The following DIMT1 variants were observed in gnomAD, a reference collection of about 807,000 sequenced individuals.
DIMT1 encodes DIM1 rRNA methyltransferase and ribosome maturation factor.
In DIMT1, 36 loss-of-function variants were observed where a neutral mutation model predicts 43.2. The observed-to-expected ratio is 0.83, with a 90% confidence interval of 0.64 to 1.10. DIMT1 has a LOEUF of 1.10. Ranked by LOEUF, DIMT1 falls within the 50% of genes least tolerant of loss-of-function variation. The pLI, the probability that DIMT1 is intolerant of heterozygous loss-of-function variation, is 0.00. For synonymous variants in DIMT1, 126 were observed against 130.3 expected (o/e 0.97, Z 0.22); for missense variants, 341 against 385.3 (o/e 0.88, Z 0.96).
At position 62,387,256 on chromosome 5, in the gene DIMT1, T is replaced by C. The variant is rs917831220; in HGVS notation, c.*1754A>G. 5.3e-5 allele frequency: 8 copies of C among 152,228 alleles called. No homozygotes were observed. Among genetic ancestry groups the C allele is most frequent in the African/African-American group, 1.2e-4 (5 of 41,464 alleles). The allele number at this position is 152,228 out of a possible 1,614,324, so 9.4% of individuals were successfully genotyped here. ...CAGGTTTTCTTGCAGCTGTAAGATATATTCTATTTGTGTTTATTTCAAAGG... is the reference window on the plus strand; with the variant it reads ...CAGGTTTTCTTGCAGCTGTAAGATACATTCTATTTGTGTTTATTTCAAAGG... On this transcript the variant is annotated 3_prime_UTR_variant, in exon 12 of 12. Coordinates refer to ENST00000199320, the MANE Select transcript of DIMT1 (RefSeq NM_014473.4).
Position 62,392,963 on chromosome 5 carries a change from AG to A in DIMT1, c.690del (p.Phe231LeufsTer35), listed in dbSNP as rs1561289296. On this transcript the variant is annotated frameshift_variant, in exon 9 of 12. Transcript: ENST00000199320. LOFTEE classifies it high-confidence loss of function. ...FQEWDGLVRI[T>X]FVRKNKTLSA... ...GAGAGTGTCTTGTTTTTCCTAACAA[AG>A]GTTATCCTTACTAGACCATCCCATT... 2 of 1,610,854 alleles carry A rather than the reference AG, an allele frequency of 1.2e-6. No homozygotes were observed. Among genetic ancestry groups the A allele is most frequent in the African/African-American group, 1.3e-5 (1 of 74,860 alleles).
intron 11 of DIMT1, 55 bp from the exon 12 acceptor site, chr5:62,389,107 A>G (rs1742172669): frequency 1.1e-5 from 16 of 1,481,610 alleles, no homozygotes; most frequent in Non-Finnish European, 1.5e-5. Context: ...GTAGCACATA[A>G]CGGTATATAG....
chr5:62,391,855 GTGCAAGCTACACATA>G, intron 10 of DIMT1: 1 of 1,491,476 alleles, frequency 6.7e-7, no homozygotes, highest in Non-Finnish European at 8.9e-7. Flanking sequence ...ATTTTAAGTT[GTGCAAGCTACACATA>G]TCTACAGCTT....
rs1554044635 is a variant in DIMT1, at chr5:62,396,139, G to GTTTTTTTGTTTTTTT, written c.447-1533_447-1532insAAAAAAACAAAAAAA. Among the ~76,000 whole-genome samples, 21 of 116,760 alleles carry GTTTTTTTGTTTTTTT rather than the reference G, an allele frequency of 1.8e-4. 1 individual carries two copies. Among genetic ancestry groups the GTTTTTTTGTTTTTTT allele is most frequent in the African/African-American group, 7.2e-4 (20 of 27,746 alleles). The allele number at this position is 116,760 out of a possible 152,430, so 76.6% of individuals were successfully genotyped here. A position where few individuals can be genotyped will look rare whatever the true frequency, so the allele number is the denominator to read the frequency against. ...GGGGAATTTAGCCATGTCACTGCAG[G>GTTTTTTTGTTTTTTT]TTTTTTTTTTTTACATTATTAACTG... On this transcript the variant is annotated intron_variant, in intron 6 of 11. Transcript: ENST00000199320.
At chr5:62,394,716 ATTAT>A (rs1742419415) in intron 6 of DIMT1, 109 bp from the exon 7 acceptor site, 9 of 859,494 alleles carry the variant, frequency 1.0e-5, no homozygotes, top group Non-Finnish European at 1.5e-5. Flanking sequence ...TTGGCAGCTG[ATTAT>A]AAGGTAGGAG....
rs1317665189 is a variant in DIMT1, at chr5:62,388,279, T to A, written c.*731A>T. 1 of 152,236 alleles carries A rather than the reference T, an allele frequency of 6.6e-6. No individual in the cohort carries two copies. The highest frequency in any genetic ancestry group is 1.5e-5 in the Non-Finnish European group (1 of 68,044). The allele number at this position is 152,236 out of a possible 1,614,324, so 9.4% of individuals were successfully genotyped here. On this transcript the variant is annotated 3_prime_UTR_variant, in exon 12 of 12. Transcript: ENST00000199320. ...TCTGAAATTTTGCTAAGCCTATAGTTATCTCCCTAAGAACCATAAAAAAAG... is the reference window on the plus strand; with the variant it reads ...TCTGAAATTTTGCTAAGCCTATAGTAATCTCCCTAAGAACCATAAAAAAAG...
chr5:62,403,302 G>A lies in DIMT1; in HGVS notation c.124C>T (p.Pro42Ser), dbSNP rs545462681. Residue 42 changes from proline (P) to serine (S), a missense_variant, in exon 2 of 12, where the codon CCT (proline) becomes TCT (serine). Pro to Ser is a moderately conservative substitution (Grantham distance 74). Coordinates refer to ENST00000199320, the MANE Select transcript of DIMT1 (RefSeq NM_014473.4). ...TCGATAATGCTGTTAATAATGAGAG[G>A]ATTTTTCAAAATGTGCTGCCCAATC... The part of the protein sequence containing the change: ...TGIGQHILKN[P>S]LIINSIIDKA... 8.7e-6 allele frequency: 14 copies of A among 1,613,890 alleles called. No homozygotes were observed. The highest frequency in any genetic ancestry group is 1.2e-5 in the Non-Finnish European group (14 of 1,179,864).
At position 62,398,678 on chromosome 5, in the gene DIMT1, A is replaced by G. The variant is rs768537433; in HGVS notation, c.364T>C (p.Phe122Leu). 1.2e-6 allele frequency: 2 copies of G among 1,614,268 alleles called. No homozygotes were observed. The highest frequency in any genetic ancestry group is 1.3e-5 in the African/African-American group (1 of 75,082). Residue 122 changes from phenylalanine to leucine, a missense_variant, in exon 5 of 12, where the codon TTT (phenylalanine) becomes CTT (leucine). Physicochemically the swap from Phe to Leu is conservative, Grantham distance 22. Transcript: ENST00000199320. ...GDVLKTDLPF[F>L]DTCVANLPYQ... is the part of the protein sequence containing the mutation. The stretch of plus-strand genomic sequence containing the variant: ...GGCAAATTTGCCACACAAGTATCAA[A>G]GAATGGCAAATCTGTTTTCAGCACA...
chr5:62,401,771 T>C (rs1323483572), intron 3 of DIMT1, among the ~76,000 whole-genome samples: 3 of 151,582 alleles, frequency 2.0e-5, no homozygotes, highest in African/African-American at 4.8e-5. Flanking sequence ...TTAGTTGAGA[T>C]GGGGTTTCAC....
rs374427823 is a variant in DIMT1 at position 62,391,016 on chromosome 5, A to G, written c.793-34T>C. 7.7e-6 allele frequency: 12 copies of G among 1,562,868 alleles called. No individual in the cohort carries two copies. The African/African-American group carries it at 8.1e-5, about 11-fold the overall frequency. On this transcript the variant is annotated intron_variant, in intron 10 of 11. Coordinates refer to ENST00000199320, the MANE Select transcript of DIMT1 (RefSeq NM_014473.4). ...ATAAGATTCAGAATAAATGAACGACATATCTTTAATGAGGTCACCTTGACT... is the reference window on the plus strand; with the variant it reads ...ATAAGATTCAGAATAAATGAACGACGTATCTTTAATGAGGTCACCTTGACT...
chr5:62,403,567 G>A, intron 1 of DIMT1, 127 bp downstream of exon 1: 5 of 1,186,452 alleles, frequency 4.2e-6, no homozygotes, highest in East Asian at 5.1e-5. Context: ...ACCCACCCCT[G>A]CCTTCCGCGC....
rs568174254 is a variant in DIMT1, at chr5:62,395,120, G to A, written c.447-513C>T. ...GCTCACTACAACTTCCGTCTCCCAGGTTCAAGTGATCCTCGTTCCTCAGCC... is the reference window on the plus strand; with the variant it reads ...GCTCACTACAACTTCCGTCTCCCAGATTCAAGTGATCCTCGTTCCTCAGCC... On this transcript the variant is annotated intron_variant, in intron 6 of 11. Transcript: ENST00000199320. Among the ~76,000 whole-genome samples, 22 of 151,950 alleles carry A rather than the reference G, an allele frequency of 1.4e-4. 1 individual carries two copies. The South Asian group carries it at 4.4e-3, about 30-fold the overall frequency.
chr5:62,390,011 T>C (rs1742230550), intron 11 of DIMT1, among the ~76,000 whole-genome samples: 1 of 152,226 alleles, frequency 6.6e-6, no homozygotes. Context: ...AATGACTCAG[T>C]AGTACTGCTA....
At chr5:62,392,258 A>T (rs1742333877) in intron 9 of DIMT1, 24 bp from the exon 10 acceptor site, 1 of 1,598,816 alleles carries the variant, frequency 6.3e-7, no homozygotes, top group African/African-American at 1.3e-5. Context: ...AAGTGATGCC[A>T]CTGTTATTAT....
intron 3 of DIMT1, among the ~76,000 whole-genome samples, chr5:62,401,282 G>A (rs893958326): frequency 3.3e-5 from 5 of 151,944 alleles, no homozygotes; most frequent in Non-Finnish European, 7.4e-5. Context: ...GATCACCTGA[G>A]GTCAGGAGTT....
intron 11 of DIMT1, among the ~76,000 whole-genome samples, chr5:62,389,719 T>G (rs921287281): frequency 6.6e-6 from 1 of 152,146 alleles, no homozygotes; most frequent in African/African-American, 2.4e-5. Flanking sequence ...AAACCAATCT[T>G]ACATGCCCCT....
chr5:62,393,135 G>A, intron 8 of DIMT1, 145 bp from the exon 9 acceptor site: 1 of 514,312 alleles, frequency 1.9e-6, no homozygotes, highest in Non-Finnish European at 3.4e-6. Flanking sequence ...TGATCTGGCT[G>A]GCACACACAT....
chr5:62,392,408 T>C (rs1419288778), intron 9 of DIMT1, among the ~76,000 whole-genome samples, 174 bp from the exon 10 acceptor site: 4 of 152,194 alleles, frequency 2.6e-5, no homozygotes, highest in African/African-American at 9.6e-5. Flanking sequence ...AGTTGTTGAA[T>C]ATTTAAACTT....
At position 62,398,851 on chromosome 5, in the gene DIMT1, C is replaced by T; in HGVS notation, c.271G>A (p.Val91Ile). ...VVACELDPRL[V>I]AELHKRVQGT... ...TGAACTCTTTTGTGAAGTTCAGCTACTAGCCTTGGGTCAAGTTCACAAGCA... is the reference window on the plus strand; with the variant it reads ...TGAACTCTTTTGTGAAGTTCAGCTATTAGCCTTGGGTCAAGTTCACAAGCA... Residue 91 changes from valine to isoleucine, a missense_variant, in exon 4 of 12, where the codon GTA (valine) becomes ATA (isoleucine). Transcript: ENST00000199320. The T allele has an allele frequency of 1.5e-5, 25 of 1,613,716 alleles. No homozygotes were observed. Among genetic ancestry groups the T allele is most frequent in the Non-Finnish European group, 2.1e-5 (25 of 1,179,816 alleles).
Sources: allele counts gnomAD v4.1 joint callset (sites outside exome capture counted in the v4.1 genomes callset), GRCh38; gene constraint gnomAD v4.1.1; transcripts MANE v1.5; gene names NCBI Gene and HGNC (gene_info 2026-07-23, HGNC 2026-07-21).